CYBA: variants seen among roughly 807,000 people sequenced by gnomAD.
CYBA encodes cytochrome b-245 light chain.
A neutral mutation model predicts 20.8 loss-of-function variants in CYBA; 21 were observed. That is an observed-to-expected ratio of 1.01 (90% confidence interval 0.72 to 1.46). CYBA has a LOEUF of 1.46. Among genes scored for constraint, CYBA ranks in the 40% most tolerant of loss-of-function variants. The pLI is 0.00. For synonymous variants in CYBA, 164 were observed against 127.5 expected (o/e 1.29, Z -1.93); for missense variants, 344 against 287.0 (o/e 1.20, Z -1.43).
intron 1 of CYBA, chr16:88,650,662 C>T: frequency 1.7e-6 from 1 of 597,124 alleles, no homozygotes; most frequent in South Asian, 1.7e-5. Flanking sequence ...GCCTCTTCCC[C>T]TGCGCTGCAA....
chr16:88,646,671 C>T, intron 4 of CYBA, 84 bp downstream of exon 4: 1 of 1,283,422 alleles, frequency 7.8e-7, no homozygotes. Context: ...GGCTCCTGTC[C>T]AGGCAGCCCG....
At chr16:88,650,419 C>T (rs1011017620) in intron 1 of CYBA, 1 of 457,526 alleles carries the variant, frequency 2.2e-6, no homozygotes, top group Non-Finnish European at 4.4e-6. Context: ...TGGGCAGGGC[C>T]GTCACTGGGT....
At chr16:88,650,817 A>T in intron 1 of CYBA, 139 bp downstream of exon 1, 1 of 865,884 alleles carries the variant, frequency 1.2e-6, no homozygotes. Context: ...CGTTCCCCGC[A>T]CCCTCCTGGC....
At position 88,643,616 on chromosome 16, in the gene CYBA, C is replaced by CCCCA; in HGVS notation, c.370-46_370-45insTGGG. ...TGAGCCGCGCCCCAGCGCCCGCCCT[C>CCCCA]CCTCCCTCCCTCCCTCCCCGGAGGC... On this transcript the variant is annotated intron_variant, in intron 5 of 5. Coordinates refer to ENST00000261623, the MANE Select transcript of CYBA (RefSeq NM_000101.4). This position sits in a 1 kb window ranked among gnomAD's most constrained non-coding sequence, Gnocchi z 4.3. 1 of 1,473,198 alleles carries CCCCA rather than the reference C, an allele frequency of 6.8e-7. No homozygotes were observed. The highest frequency in any genetic ancestry group is 9.1e-7 in the Non-Finnish European group (1 of 1,100,800). 91.3% of individuals were successfully genotyped at this position (1,473,198 alleles called of 1,614,324 possible).
chr16:88,647,745 G>A lies in CYBA; in HGVS notation c.128+300C>T, dbSNP rs943538402. 8.4e-5 allele frequency: 43 copies of A among 514,000 alleles called. No homozygotes were observed. The Middle Eastern group carries it at 3.2e-3, about 38-fold the overall frequency. 31.8% of individuals were successfully genotyped at this position (514,000 alleles called of 1,614,324 possible). On this transcript the variant is annotated intron_variant, in intron 2 of 5. Coordinates refer to ENST00000261623, the MANE Select transcript of CYBA (RefSeq NM_000101.4). ...GTCAAGGGGGATGACTGACAGGAGC[G>A]GGCAGAGGGGATCCCAGCAGTCCAA...
chr16:88,648,672 C>T (rs1349367487), intron 1 of CYBA, among the ~76,000 whole-genome samples: 1 of 150,032 alleles, frequency 6.7e-6, no homozygotes, highest in East Asian at 2.0e-4. Flanking sequence ...GGCTGGAGTG[C>T]AGTGGCGCGA....
intron 3 of CYBA, 97 bp downstream of exon 3, chr16:88,647,004 G>C (rs774693378): frequency 1.6e-6 from 2 of 1,289,468 alleles, no homozygotes; most frequent in Non-Finnish European, 2.2e-6. Flanking sequence ...GGTTGGTTCC[G>C]GAGCCTCCAA....
intron 1 of CYBA, among the ~76,000 whole-genome samples, chr16:88,649,874 C>T (rs1004427851): frequency 1.3e-5 from 2 of 152,178 alleles, no homozygotes; most frequent in Non-Finnish European, 2.9e-5. Flanking sequence ...GCCCTCAGTC[C>T]GTCTACTTCC....
In CYBA at chr16:88,650,647, G is replaced by T. The variant is rs57946219; in HGVS notation, c.58+309C>A. 7.2e-4 allele frequency: 416 copies of T among 574,016 alleles called. 2 individuals are homozygous for T. The African/African-American group carries it at 7.3e-3, about 10-fold the overall frequency. 35.6% of individuals were successfully genotyped at this position (574,016 alleles called of 1,614,324 possible). On this transcript the variant is annotated intron_variant, in intron 1 of 5. Coordinates refer to ENST00000261623, the MANE Select transcript of CYBA (RefSeq NM_000101.4). ...GGTGACCCCGGAAACCACCGGGGCTGAACCGCCTCTTCCCCTGCGCTGCAA... is the reference window on the plus strand; with the variant it reads ...GGTGACCCCGGAAACCACCGGGGCTTAACCGCCTCTTCCCCTGCGCTGCAA...
At position 88,649,188 on chromosome 16, in the gene CYBA, T is replaced by C. The variant is rs72558364; in HGVS notation, c.59-1074A>G. Among the ~76,000 whole-genome samples, 1,207 of 152,292 alleles carry C rather than the reference T, an allele frequency of 7.9e-3. 12 individuals carry two copies. The highest frequency in any genetic ancestry group is 0.025 in the South Asian group (119 of 4,826). ...TCCTGACCTCGTGATCCGCCCGCCT[T>C]GGCCTCCCAAAGTGCTAGGATTACA... On this transcript the variant is annotated intron_variant, in intron 1 of 5. Coordinates refer to ENST00000261623, the MANE Select transcript of CYBA (RefSeq NM_000101.4).
intron 2 of CYBA, chr16:88,647,799 C>G: frequency 1.7e-6 from 1 of 591,644 alleles, no homozygotes. Context: ...GGCCCTGGCC[C>G]TCTGGTGACA....
Position 88,646,187 on chromosome 16 carries a change from G to A in CYBA, c.298C>T (p.Pro100Ser), listed in dbSNP as rs916573634. The A allele has an allele frequency of 6.4e-7, 1 of 1,553,918 alleles. No homozygotes were observed. Among genetic ancestry groups the A allele is most frequent in the African/African-American group, 1.4e-5 (1 of 73,562 alleles). The part of the protein sequence containing the change: ...RAVLHLLLSV[P>S]AGFLLATILG... ...ATGGTGGCCAGCAGGAAGCCGGCGG[G>A]CACCGAGAGCCTGGGGGACAGCGGG... The change falls in exon 5 of 6, where the codon CCC becomes TCC. Residue 100 changes from proline (P) to serine (S), a missense_variant. Transcript: ENST00000261623.
In CYBA at chr16:88,648,059, A is replaced by ACTGGGTG; in HGVS notation, c.113_114insCACCCAG (p.Gly39ThrfsTer176). On this transcript the variant is annotated frameshift_variant, in exon 2 of 6. Coordinates refer to ENST00000261623, the MANE Select transcript of CYBA (RefSeq NM_000101.4). LOFTEE classifies it high-confidence loss of function. ...TGGAAGGATACATGGAGTAGGCACCAAAGTACCACTGGGTGAAGCGCCCAG... is the reference window on the plus strand; with the variant it reads ...TGGAAGGATACATGGAGTAGGCACCACTGGGTGAAGTACCACTGGGTGAAGCGCCCAG... The ACTGGGTG allele has an allele frequency of 6.2e-7, 1 of 1,612,974 alleles. No homozygotes were observed.
Position 88,643,450 on chromosome 16 carries a change from CGGGCCTCGGCCGG to C in CYBA, c.478_490del (p.Pro160AlafsTer27), listed in dbSNP as rs2142869698. Reference sequence around the variant, plus strand: ...AGCCTCCTCCTCGCTGGGCTTCTTGCGGGCCTCGGCCGGGGGCCGCGGCGGGGGGTTGCTGGGC... The same window carrying C: ...AGCCTCCTCCTCGCTGGGCTTCTTGCGGGCCGCGGCGGGGGGTTGCTGGGC... On this transcript the variant is annotated frameshift_variant, in exon 6 of 6. Coordinates refer to ENST00000261623, the MANE Select transcript of CYBA (RefSeq NM_000101.4). This position sits in a 1 kb window ranked among gnomAD's most constrained non-coding sequence, Gnocchi z 4.3. 1 of 1,533,118 alleles carries C rather than the reference CGGGCCTCGGCCGG, an allele frequency of 6.5e-7. No homozygotes were observed. Among genetic ancestry groups the C allele is most frequent in the Non-Finnish European group, 8.7e-7 (1 of 1,143,550 alleles). The allele number at this position is 1,533,118 out of a possible 1,614,324, so 95.0% of individuals were successfully genotyped here. A position where few individuals can be genotyped will look rare whatever the true frequency, so the allele number is the denominator to read the frequency against.
chr16:88,645,062 G>A, intron 5 of CYBA: 1 of 652,142 alleles, frequency 1.5e-6, no homozygotes, highest in Non-Finnish European at 2.8e-6. Flanking sequence ...CTGCTGAGGA[G>A]CAGCTGAGCC....
chr16:88,650,803 C>A lies in CYBA; in HGVS notation c.58+153G>T, dbSNP rs566746926. The A allele has an allele frequency of 7.7e-6, 6 of 781,886 alleles. No homozygotes were observed. In the East Asian group the frequency reaches 8.1e-5, roughly 10 times the overall value. The allele number at this position is 781,886 out of a possible 1,614,324, so 48.4% of individuals were successfully genotyped here. ...TCCAGCCCGCGGCCTGAGGGTCCCG[C>A]CCCCGTTCCCCGCACCCTCCTGGCC... is the stretch of plus-strand genomic sequence containing the variant. On this transcript the variant is annotated intron_variant, in intron 1 of 5. Transcript: ENST00000261623.
At chr16:88,650,609 G>C (rs1342172503) in intron 1 of CYBA, 1 of 514,436 alleles carries the variant, frequency 1.9e-6, no homozygotes, top group African/African-American at 1.9e-5. Context: ...CCCCCACTCG[G>C]GGGCTTCGGG....
At position 88,643,541 on chromosome 16, in the gene CYBA, T is replaced by G. The variant is rs1567607752; in HGVS notation, c.400A>C (p.Ile134Leu). 6.5e-7 allele frequency: 1 copy of G among 1,534,858 alleles called. No homozygotes were observed. The highest frequency in any genetic ancestry group is 8.7e-7 in the Non-Finnish European group (1 of 1,146,716). ...AAVRGEQWTPIEPKPRERPQI... is the reference protein window; with the variant it reads ...AAVRGEQWTPLEPKPRERPQI... The stretch of plus-strand genomic sequence containing the variant: ...GGCCGCTCCCGGGGCTTGGGCTCGA[T>G]GGGCGTCCACTGCTCGCCACGCACA... Residue 134 changes from isoleucine to leucine, a missense_variant, in exon 6 of 6, where the codon ATC becomes CTC. Physicochemically the swap from Ile to Leu is conservative, Grantham distance 5. Coordinates refer to ENST00000261623, the MANE Select transcript of CYBA (RefSeq NM_000101.4). This position sits in a 1 kb window ranked among gnomAD's most constrained non-coding sequence, Gnocchi z 4.3.
chr16:88,647,315 G>A, intron 2 of CYBA, 140 bp from the exon 3 acceptor site: 1 of 792,154 alleles, frequency 1.3e-6, no homozygotes, highest in Non-Finnish European at 2.1e-6. Flanking sequence ...GCTGAGGCGG[G>A]AGGATCACTG....
Sources: gnomAD v4.1 joint callset for allele counts (sites outside exome capture counted in the v4.1 genomes callset) on GRCh38, gnomAD v4.1.1 for gene constraint, Gnocchi (gnomAD v3.1) non-coding constraint, MANE v1.5 for transcripts, NCBI Gene and HGNC (gene_info 2026-07-23, HGNC 2026-07-21) for gene names.